Variants in CUL2 observed in about 807,000 individuals in gnomAD.
The protein encoded by CUL2 is cullin-2.
Under a neutral mutation model 110.2 loss-of-function variants are expected in CUL2, and 22 were observed. The ratio of observed to expected loss-of-function variants is 0.20; its 90% CI spans 0.14 to 0.28. The LOEUF is 0.28. Among genes scored for constraint, CUL2 ranks in the 10% least tolerant of loss-of-function variants. The pLI, the probability that CUL2 is intolerant of heterozygous loss-of-function variation, is 1.00. For synonymous variants in CUL2, 279 were observed against 293.2 expected (o/e 0.95, Z 0.49); for missense variants, 631 against 905.5 (o/e 0.70, Z 3.89).
At chr10:35,061,073 T>C in intron 3 of CUL2, 105 bp from the exon 4 acceptor site, 1 of 1,239,672 alleles carries the variant, frequency 8.1e-7, no homozygotes, top group South Asian at 1.5e-5. Context: ...TACATAATTC[T>C]AGCTGTACAA....
chr10:35,118,427 G>A (rs2087634518), intron 1 of CUL2: 1 of 151,742 alleles, frequency 6.6e-6, no homozygotes, highest in African/African-American at 2.4e-5. Context: ...TAATCTTCCG[G>A]TTCATGAGTG....
intron 16 of CUL2, among the ~76,000 whole-genome samples, chr10:35,026,984 C>T (rs960330290): frequency 1.3e-5 from 2 of 151,932 alleles, no homozygotes; most frequent in African/African-American, 4.8e-5. Flanking sequence ...TCCCTCCCCC[C>T]TCCTCCCAGA....
In CUL2 at chr10:35,035,484, T is replaced by C. The variant is rs188295234; in HGVS notation, c.878-188A>G. 3.7e-4 allele frequency among the ~76,000 whole-genome samples: 57 copies of C among 152,308 alleles called. 1 individual carries two copies. Among genetic ancestry groups the C allele is most frequent in the Admixed American group, 3.7e-3 (57 of 15,290 alleles). On this transcript the variant is annotated intron_variant, in intron 9 of 20. Coordinates refer to ENST00000374749, the MANE Select transcript of CUL2 (RefSeq NM_003591.4). ...AGGAAAGGGATGTGGTTATTTAACA[T>C]CTTCCCAAAGATATTTTGTGCAAAT...
chr10:35,113,930 C>T (rs1014109451), intron 1 of CUL2, among the ~76,000 whole-genome samples: 14 of 151,226 alleles, frequency 9.3e-5, no homozygotes, highest in African/African-American at 3.4e-4. Flanking sequence ...TTTTTTGAGA[C>T]AGAGTCTCAC....
At position 35,062,941 on chromosome 10, in the gene CUL2, CGTAT is replaced by C. The variant is rs374868426; in HGVS notation, c.222+15_222+18del. Reference sequence around the variant, plus strand: ...TACAACTATCAACATATTTATATCACGTATGTATCATTGCTTACCTTATGCAAAT... The same window carrying C: ...TACAACTATCAACATATTTATATCACGTATCATTGCTTACCTTATGCAAAT... On this transcript the variant is annotated intron_variant, in intron 3 of 20. Coordinates refer to ENST00000374749, the MANE Select transcript of CUL2 (RefSeq NM_003591.4). 36 of 1,287,306 alleles carry C rather than the reference CGTAT, an allele frequency of 2.8e-5. No individual in the cohort carries two copies. In the African/African-American group the frequency reaches 4.0e-4, roughly 14 times the overall value. 79.7% of individuals were successfully genotyped at this position (1,287,306 alleles called of 1,614,324 possible). A position where few individuals can be genotyped will look rare whatever the true frequency, so the allele number is the denominator to read the frequency against.
chr10:35,111,391 A>G (rs2087522267), intron 1 of CUL2, among the ~76,000 whole-genome samples: 1 of 151,724 alleles, frequency 6.6e-6, no homozygotes, highest in African/African-American at 2.4e-5. Flanking sequence ...AGTTGGAACT[A>G]CAGGTGTGCA....
intron 17 of CUL2, among the ~76,000 whole-genome samples, chr10:35,016,804 G>A (rs1295269068): frequency 6.6e-6 from 1 of 151,754 alleles, no homozygotes; most frequent in Non-Finnish European, 1.5e-5. Flanking sequence ...GCTCATGCTT[G>A]TAATCCTAGC....
chr10:35,110,314 A>C (rs991905061), intron 1 of CUL2, among the ~76,000 whole-genome samples: 2 of 152,230 alleles, frequency 1.3e-5, no homozygotes, highest in African/African-American at 4.8e-5. Context: ...CTATAATCCC[A>C]GCATTTCGGG....
chr10:35,015,391 G>A (rs757396152), intron 18 of CUL2, among the ~76,000 whole-genome samples: 6 of 151,912 alleles, frequency 3.9e-5, no homozygotes, highest in Non-Finnish European at 7.4e-5. Context: ...TTCAGAATAT[G>A]CCTTTTACAG....
At chr10:35,014,877 A>T (rs375195582) in intron 18 of CUL2, among the ~76,000 whole-genome samples, 1 of 152,152 alleles carries the variant, frequency 6.6e-6, no homozygotes, top group African/African-American at 2.4e-5. Flanking sequence ...CAAACAAGGA[A>T]TCTATGTTTA....
chr10:35,102,067 C>T (rs1014880654), intron 1 of CUL2, among the ~76,000 whole-genome samples: 2 of 151,760 alleles, frequency 1.3e-5, no homozygotes, highest in Non-Finnish European at 2.9e-5. Context: ...AGGTGAAACC[C>T]CATCTCTACC....
At chr10:35,123,448 G>A in intron 1 of CUL2, among the ~76,000 whole-genome samples, 1 of 151,976 alleles carries the variant, frequency 6.6e-6, no homozygotes, top group East Asian at 1.9e-4. Flanking sequence ...TACTTAGGAT[G>A]AACTATAATG....
intron 5 of CUL2, among the ~76,000 whole-genome samples, chr10:35,051,630 C>A (rs1049524159): frequency 2.6e-5 from 4 of 152,068 alleles, no homozygotes; most frequent in South Asian, 2.1e-4. Flanking sequence ...ACAACAACAA[C>A]AAAAAATAGT....
rs569125473 is a variant in CUL2 at position 35,010,742 on chromosome 10, C to T, written c.2107-300G>A. Among the ~76,000 whole-genome samples the T allele has an allele frequency of 1.1e-4, 16 of 152,320 alleles. No homozygotes were observed. The East Asian group carries it at 2.1e-3, about 20-fold the overall frequency. ...TTCTCAAGAAAGTTTTCCCCAGCAG[C>T]CCCTAGGCCAGGATATTTAAATACA... is the stretch of plus-strand genomic sequence containing the variant. On this transcript the variant is annotated intron_variant, in intron 20 of 20. Transcript: ENST00000374749.
chr10:35,010,404 G>A lies in CUL2; in HGVS notation c.2145C>T (p.Ile715=). 2 of 1,612,448 alleles carry A rather than the reference G, an allele frequency of 1.2e-6. No individual in the cohort carries two copies. Among genetic ancestry groups the A allele is most frequent in the South Asian group, 1.1e-5 (1 of 90,776 alleles). The change falls in exon 21 of 21, where the codon ATC becomes ATT. Residue 715 remains isoleucine, a synonymous_variant. Coordinates refer to ENST00000374749, the MANE Select transcript of CUL2 (RefSeq NM_003591.4). Reference sequence around the variant, plus strand: ...CTTCAATACACTTCTTAATCATGCTGATACTGGGATTAAACCTAGCTCTTG... The same window carrying A: ...CTTCAATACACTTCTTAATCATGCTAATACTGGGATTAAACCTAGCTCTTG... The part of the protein sequence containing the change: ...SQSRARFNPS[I]SMIKKCIEVL...
chr10:35,029,555 T>C lies in CUL2; in HGVS notation c.1472A>G (p.Asn491Ser). The change falls in exon 15 of 21, where the codon AAC becomes AGC. Residue 491 changes from asparagine to serine, a missense_variant. Asn to Ser is a conservative substitution (Grantham distance 46, BLOSUM62 1). Around this residue, in one of 3 missense-constraint regions of CUL2, gnomAD observed 134 missense variants for 260.4 expected, o/e 0.51. Transcript: ENST00000374749. ...SVSADLNNKF[N>S]NFIKNQDTVI... ...TGTGTCTTGGTTTTTGATAAAATTG[T>C]TGAACTTATTGTTGAGATCAGCGCT... 1.3e-6 allele frequency: 2 copies of C among 1,590,266 alleles called. No homozygotes were observed. The highest frequency in any genetic ancestry group is 1.7e-6 in the Non-Finnish European group (2 of 1,171,270).
At position 35,066,869 on chromosome 10, in the gene CUL2, T is replaced by C. The variant is rs558254030; in HGVS notation, c.120-3807A>G. 9.5e-4 allele frequency among the ~76,000 whole-genome samples: 145 copies of C among 152,316 alleles called. 1 individual carries two copies. The highest frequency in any genetic ancestry group is 3.3e-3 in the African/African-American group (137 of 41,582). On this transcript the variant is annotated intron_variant, in intron 2 of 20. Coordinates refer to ENST00000374749, the MANE Select transcript of CUL2 (RefSeq NM_003591.4). Reference sequence around the variant, plus strand: ...GATGGGCTACTACACATAATCTCCATGGTTACTAAGACCTTCTTCTTCTAA... The same window carrying C: ...GATGGGCTACTACACATAATCTCCACGGTTACTAAGACCTTCTTCTTCTAA...
At chr10:35,020,963 GT>G (rs61100854) in intron 17 of CUL2, among the ~76,000 whole-genome samples, 16,697 of 122,370 alleles carry the variant, frequency 0.14, 1,071 homozygotes, top group East Asian at 0.33. Flanking sequence ...TATTTTATGG[GT>G]TTTTTTTTTT....
intron 17 of CUL2, among the ~76,000 whole-genome samples, chr10:35,017,146 C>T (rs948685893): frequency 8.6e-5 from 13 of 151,944 alleles, no homozygotes; most frequent in African/African-American, 2.9e-4. Context: ...GGTCCACAGC[C>T]ACATGGAAAA....
Sources: gnomAD v4.1 joint callset for allele counts (sites outside exome capture counted in the v4.1 genomes callset) on GRCh38, gnomAD v4.1.1 for gene constraint, gnomAD v4.1.1 regional missense constraint, MANE v1.5 for transcripts, NCBI Gene and HGNC (gene_info 2026-07-23, HGNC 2026-07-21) for gene names.